TMEM117: variants seen among roughly 807,000 people sequenced by gnomAD.
TMEM117 encodes transmembrane protein 117.
In TMEM117, 27 loss-of-function variants were observed where a neutral mutation model predicts 52.4. That is an observed-to-expected ratio of 0.51 (90% CI 0.38 to 0.71). TMEM117 has a LOEUF of 0.71. Among genes scored for constraint, TMEM117 ranks in the 30% least tolerant of loss-of-function variants. TMEM117 has a pLI of 0.00. For missense variants in TMEM117, 556 were observed against 630.5 expected (o/e 0.88, Z 1.26); for synonymous variants, 215 against 206.3 (o/e 1.04, Z -0.36).
chr12:43,877,732 A>T (rs1943824890), intron 2 of TMEM117, among the ~76,000 whole-genome samples: 1 of 152,136 alleles, frequency 6.6e-6, no homozygotes, highest in African/African-American at 2.4e-5. Context: ...GACCACATAT[A>T]AGAAAAAGTT....
intron 3 of TMEM117, among the ~76,000 whole-genome samples, chr12:44,037,611 GA>G (rs754818535): frequency 6.6e-5 from 10 of 152,140 alleles, no homozygotes; most frequent in Non-Finnish European, 1.3e-4. Context: ...ACAAGAATGG[GA>G]ACATATGATG....
chr12:44,106,468 T>G (rs1014568559), intron 3 of TMEM117, among the ~76,000 whole-genome samples: 7 of 152,094 alleles, frequency 4.6e-5, no homozygotes, highest in South Asian at 4.1e-4. Flanking sequence ...TATATATGGT[T>G]ATTACTTTGA....
chr12:43,929,314 A>G (rs745899045), intron 2 of TMEM117, among the ~76,000 whole-genome samples: 6 of 152,128 alleles, frequency 3.9e-5, no homozygotes, highest in Non-Finnish European at 7.4e-5. Context: ...TTTTATTATT[A>G]CTACTATACT....
intron 3 of TMEM117, among the ~76,000 whole-genome samples, chr12:43,978,505 C>G (rs902864871): frequency 2.6e-5 from 4 of 152,186 alleles, no homozygotes; most frequent in African/African-American, 9.7e-5. Flanking sequence ...CTCCACCAAA[C>G]AGCCACTTTT....
At chr12:43,976,319 G>T (rs1303668787) in intron 3 of TMEM117, among the ~76,000 whole-genome samples, 1 of 152,120 alleles carries the variant, frequency 6.6e-6, no homozygotes, top group Non-Finnish European at 1.5e-5. Flanking sequence ...AGCAACAGAT[G>T]AAAGGATTTC....
intron 3 of TMEM117, among the ~76,000 whole-genome samples, chr12:43,991,379 C>G (rs188886628): frequency 1.3e-5 from 2 of 151,984 alleles, no homozygotes; most frequent in South Asian, 4.1e-4. Context: ...AGAAATTGTC[C>G]AAGAAATTTT....
chr12:44,149,838 A>T (rs1377176998), intron 4 of TMEM117, among the ~76,000 whole-genome samples: 1 of 152,238 alleles, frequency 6.6e-6, no homozygotes, highest in African/African-American at 2.4e-5. Context: ...ATTGAATTTG[A>T]TTTAGCACTT....
chr12:44,121,133 A>G (rs1479379256), intron 3 of TMEM117, among the ~76,000 whole-genome samples: 1 of 152,166 alleles, frequency 6.6e-6, no homozygotes, highest in Non-Finnish European at 1.5e-5. Flanking sequence ...ATTCACTATC[A>G]TGATAACATC....
intron 6 of TMEM117, chr12:44,376,347 T>C (rs563804906): frequency 1.9e-6 from 1 of 525,716 alleles, no homozygotes; most frequent in South Asian, 2.0e-5. Context: ...ATCAATTCTG[T>C]ATTGGTTTCT....
the TMEM117 span, chr12:43,797,885 G>A: frequency 1.3e-6 from 2 of 1,564,488 alleles, no homozygotes; most frequent in Middle Eastern, 1.7e-4. Flanking sequence ...GTATCCTATG[G>A]CAAACATAAG....
chr12:44,244,869 A>G (rs1332756767), intron 5 of TMEM117, among the ~76,000 whole-genome samples: 2 of 152,024 alleles, frequency 1.3e-5, no homozygotes, highest in Non-Finnish European at 2.9e-5. Flanking sequence ...TGACTTTTGT[A>G]TATGAGGTGA....
At chr12:43,922,825 G>A (rs532169256) in intron 2 of TMEM117, among the ~76,000 whole-genome samples, 8 of 152,274 alleles carry the variant, frequency 5.3e-5, no homozygotes, top group Admixed American at 2.6e-4. Flanking sequence ...GGAGGCCCAA[G>A]AAGAAGTACC....
chr12:43,870,845 T>C, intron 2 of TMEM117, among the ~76,000 whole-genome samples: 1 of 151,924 alleles, frequency 6.6e-6, no homozygotes, highest in South Asian at 2.1e-4. Context: ...AGTGCAATGG[T>C]GCTATCCCCG....
chr12:44,167,657 ACT>A (rs1042992272), intron 4 of TMEM117, among the ~76,000 whole-genome samples: 3 of 151,696 alleles, frequency 2.0e-5, no homozygotes, highest in African/African-American at 7.3e-5. Context: ...ACAGGGCGAG[ACT>A]CTGTCTCAAA....
chr12:44,086,938 T>G (rs1344031461), intron 3 of TMEM117, among the ~76,000 whole-genome samples: 1 of 147,710 alleles, frequency 6.8e-6, no homozygotes, highest in Non-Finnish European at 1.5e-5. Flanking sequence ...ACTTTATAAT[T>G]ATAAATTATA....
At chr12:43,839,974 T>A (rs901193422) in intron 1 of TMEM117, among the ~76,000 whole-genome samples, 1 of 152,256 alleles carries the variant, frequency 6.6e-6, no homozygotes, top group Admixed American at 6.5e-5. Context: ...TCTCACAGGA[T>A]AACCCCAAGC....
intron 3 of TMEM117, among the ~76,000 whole-genome samples, chr12:44,004,597 C>T (rs929660306): frequency 6.6e-6 from 1 of 152,078 alleles, no homozygotes; most frequent in Non-Finnish European, 1.5e-5. Flanking sequence ...CCTCCCAGAT[C>T]GCTTCCTCCT....
the TMEM117 span, among the ~76,000 whole-genome samples, chr12:43,830,768 A>T: frequency 6.6e-6 from 1 of 152,216 alleles, no homozygotes. Flanking sequence ...AATAATGATG[A>T]TAAAAAGAGC....
chr12:44,188,276 C>T (rs1174771574), intron 4 of TMEM117, among the ~76,000 whole-genome samples: 1 of 152,120 alleles, frequency 6.6e-6, no homozygotes, highest in Non-Finnish European at 1.5e-5. Flanking sequence ...TTCAGCTTTG[C>T]CTTTCTGCTT....
Sources: gnomAD v4.1 joint callset for allele counts (sites outside exome capture counted in the v4.1 genomes callset) on GRCh38, gnomAD v4.1.1 for gene constraint, MANE v1.5 for transcripts, NCBI Gene and HGNC (gene_info 2026-07-23, HGNC 2026-07-21) for gene names.